Variants in MAP2K4 observed in about 807,000 individuals in gnomAD.
The protein encoded by MAP2K4 is dual specificity mitogen-activated protein kinase kinase 4.
A neutral mutation model predicts 48.5 loss-of-function variants in MAP2K4; 4 were observed. The ratio of observed to expected loss-of-function variants is 0.08; its 90% CI spans 0.04 to 0.19. The LOEUF (loss-of-function observed/expected upper bound fraction) is 0.19. Ranked by LOEUF, MAP2K4 falls within the 10% of genes least tolerant of loss-of-function variation. The pLI is 1.00. For missense variants in MAP2K4, 258 were observed against 493.3 expected (o/e 0.52, Z 4.52); for synonymous variants, 166 against 173.1 (o/e 0.96, Z 0.32).
intron 7 of MAP2K4, among the ~76,000 whole-genome samples, chr17:12,119,097 G>T (rs1256356612): frequency 6.6e-6 from 1 of 152,106 alleles, no homozygotes; most frequent in Non-Finnish European, 1.5e-5. Flanking sequence ...CTGAATCAAG[G>T]TAAATGTGAT....
chr17:12,117,074 C>T (rs577323926), intron 7 of MAP2K4, among the ~76,000 whole-genome samples: 14 of 152,186 alleles, frequency 9.2e-5, no homozygotes, highest in South Asian at 6.2e-4. Flanking sequence ...TTTTGCAGCA[C>T]GAGACAATTT....
At chr17:12,053,743 G>C (rs1176370613) in intron 1 of MAP2K4, among the ~76,000 whole-genome samples, 1 of 151,990 alleles carries the variant, frequency 6.6e-6, no homozygotes, top group Admixed American at 6.6e-5. Flanking sequence ...AGCAGATCTA[G>C]GGGCCGTGGC....
chr17:12,055,951 C>T (rs1970272373), intron 2 of MAP2K4, among the ~76,000 whole-genome samples: 3 of 152,046 alleles, frequency 2.0e-5, no homozygotes. Flanking sequence ...CATAATCACA[C>T]TTCTTGTCAG....
intron 4 of MAP2K4, among the ~76,000 whole-genome samples, chr17:12,101,558 A>G (rs1971936814): frequency 6.6e-6 from 1 of 152,100 alleles, no homozygotes; most frequent in Admixed American, 6.6e-5. Flanking sequence ...AACCAACAAC[A>G]AAAAAACAAC....
At chr17:12,119,600 C>G (rs550373965) in intron 7 of MAP2K4, among the ~76,000 whole-genome samples, 5 of 152,334 alleles carry the variant, frequency 3.3e-5, no homozygotes, top group Admixed American at 1.3e-4. Flanking sequence ...AAGCTAAAAA[C>G]AGAATTGTCA....
chr17:12,066,079 G>T (rs111937544), intron 2 of MAP2K4, among the ~76,000 whole-genome samples: 14 of 151,754 alleles, frequency 9.2e-5, no homozygotes, highest in African/African-American at 3.1e-4. Context: ...CTAAAAAGTT[G>T]AGGGGATGTG....
At chr17:12,125,517 G>T in intron 8 of MAP2K4, 146 bp downstream of exon 8, 1 of 649,956 alleles carries the variant, frequency 1.5e-6, no homozygotes, top group Non-Finnish European at 2.7e-6. Flanking sequence ...AAAAAAGTAT[G>T]TATTTATTTA....
chr17:12,069,525 G>T (rs1043945144), intron 2 of MAP2K4: 3 of 160,996 alleles, frequency 1.9e-5, no homozygotes, highest in Non-Finnish European at 4.0e-5. Context: ...TCAGAATACT[G>T]CAGACTTATC....
intron 3 of MAP2K4, among the ~76,000 whole-genome samples, chr17:12,088,582 AATAT>A (rs974537983): frequency 7.1e-6 from 1 of 140,612 alleles, no homozygotes; most frequent in Non-Finnish European, 1.5e-5. Flanking sequence ...TATAATATAT[AATAT>A]ATATTAAATA....
intron 3 of MAP2K4, chr17:12,082,035 C>T (rs748585440): frequency 4.1e-6 from 2 of 492,008 alleles, no homozygotes; most frequent in East Asian, 5.7e-5. Context: ...TTCATCTCTA[C>T]TCAGTACTGC....
chr17:12,058,880 C>T (rs1047747645), intron 2 of MAP2K4, among the ~76,000 whole-genome samples: 1 of 152,080 alleles, frequency 6.6e-6, no homozygotes, highest in Non-Finnish European at 1.5e-5. Context: ...TATACAAGGT[C>T]CTGCATTCTA....
chr17:12,139,792 G>C (rs762816958), intron 9 of MAP2K4, 47 bp from the exon 10 acceptor site: 2 of 1,309,460 alleles, frequency 1.5e-6, no homozygotes, highest in Non-Finnish European at 2.2e-6. Context: ...AAAATACTTA[G>C]GCAAATGAAT....
chr17:12,064,073 A>G (rs374288525), intron 2 of MAP2K4, among the ~76,000 whole-genome samples: 9 of 151,662 alleles, frequency 5.9e-5, no homozygotes, highest in East Asian at 1.9e-4. Flanking sequence ...TTCACAATGT[A>G]TATATATATA....
chr17:12,107,700 G>T (rs1017259389), intron 4 of MAP2K4, 90 bp from the exon 5 acceptor site: 4 of 1,105,236 alleles, frequency 3.6e-6, no homozygotes, highest in Non-Finnish European at 5.2e-6. Context: ...GCAAGAATAA[G>T]ATTGCTCCTT....
At chr17:12,064,292 A>G (rs563843132) in intron 2 of MAP2K4, among the ~76,000 whole-genome samples, 72 of 152,250 alleles carry the variant, frequency 4.7e-4, no homozygotes, top group African/African-American at 1.6e-3. Context: ...GCTATGTTGC[A>G]CAGGCTGGTT....
intron 2 of MAP2K4, chr17:12,069,869 T>A: frequency 2.8e-6 from 1 of 352,848 alleles, no homozygotes; most frequent in Non-Finnish European, 5.6e-6. Context: ...ACCTTTATTT[T>A]CCTGTCTAAG....
At chr17:12,095,321 A>T (rs935571257) in intron 3 of MAP2K4, 2 of 471,922 alleles carry the variant, frequency 4.2e-6, no homozygotes, top group Admixed American at 6.7e-5. Context: ...AACTCCCAAC[A>T]TTATTAGTAA....
At chr17:12,049,779 G>T (rs1029064165) in intron 1 of MAP2K4, among the ~76,000 whole-genome samples, 1 of 152,144 alleles carries the variant, frequency 6.6e-6, no homozygotes, top group African/African-American at 2.4e-5. Context: ...AAAAGGTAGG[G>T]AAATAGACCT....
At chr17:12,101,528 C>T (rs1222806990) in intron 4 of MAP2K4, among the ~76,000 whole-genome samples, 1 of 151,902 alleles carries the variant, frequency 6.6e-6, no homozygotes, top group East Asian at 1.9e-4. Flanking sequence ...TTGTCGATTT[C>T]TACCAAAAAA....
Sources: gnomAD v4.1 joint callset for allele counts (sites outside exome capture counted in the v4.1 genomes callset) on GRCh38, gnomAD v4.1.1 for gene constraint, MANE v1.5 for transcripts, NCBI Gene and HGNC (gene_info 2026-07-23, HGNC 2026-07-21) for gene names.